Variants in NCKAP5 observed in about 807,000 individuals in gnomAD.
NCKAP5 encodes NCK associated protein 5.
In NCKAP5, 92 loss-of-function variants were observed where a neutral mutation model predicts 167.0. The observed-to-expected ratio is 0.55, with a 90% CI of 0.47 to 0.66. The LOEUF is 0.66. Ranked by LOEUF, NCKAP5 falls within the 30% of genes least tolerant of loss-of-function variation. NCKAP5 has a pLI of 0.00. For synonymous variants in NCKAP5, 891 were observed against 877.4 expected, an observed-to-expected ratio of 1.02 and a Z score of -0.27; for missense variants, 2,378 against 2,315.0, an observed-to-expected ratio of 1.03 and a Z score of -0.56.
intron 3 of NCKAP5, among the ~76,000 whole-genome samples, chr2:133,387,873 T>G (rs1355674300): frequency 6.6e-6 from 1 of 152,244 alleles, no homozygotes; most frequent in Non-Finnish European, 1.5e-5. Flanking sequence ...ATAGTTCTTG[T>G]GCCATGGTTT....
At chr2:133,109,415 T>C (rs1046986321) in intron 6 of NCKAP5, among the ~76,000 whole-genome samples, 9 of 152,200 alleles carry the variant, frequency 5.9e-5, no homozygotes, top group African/African-American at 2.2e-4. Flanking sequence ...TAATGCTTTC[T>C]TCAAGAGAGT....
chr2:133,472,493 C>T (rs1278566543), intron 3 of NCKAP5, among the ~76,000 whole-genome samples: 2 of 151,998 alleles, frequency 1.3e-5, no homozygotes. Context: ...CCTTTTTAGG[C>T]TCCCCTCCAC....
chr2:133,633,589 C>T, the NCKAP5 span, among the ~76,000 whole-genome samples: 110 of 152,280 alleles, frequency 7.2e-4, no homozygotes, highest in Non-Finnish European at 1.2e-3. Flanking sequence ...TGAAGGTAGC[C>T]TTCATGAAGC....
chr2:132,695,307 C>T lies in NCKAP5; in HGVS notation c.5714-22002G>A, dbSNP rs940611739. Among the ~76,000 whole-genome samples the T allele has an allele frequency of 3.3e-5, 5 of 151,858 alleles. No individual in the cohort carries two copies. The South Asian group carries it at 6.3e-4, about 19-fold the overall frequency. ...GGAAAAAAAAAGTCTGTTATTTTCT[C>T]GGTAAAGAGTAAAAATCTTCAGAAT... On this transcript the variant is annotated intron_variant, in intron 19 of 19. Coordinates refer to ENST00000409261, the MANE Select transcript of NCKAP5 (RefSeq NM_207363.3).
chr2:132,766,463 C>A (rs532973119), intron 16 of NCKAP5, among the ~76,000 whole-genome samples: 212 of 152,184 alleles, frequency 1.4e-3, no homozygotes, highest in Middle Eastern at 3.4e-3. Context: ...ACAGTTTCTT[C>A]TAGTCCCATC....
At chr2:133,672,484 A>G in the NCKAP5 span, among the ~76,000 whole-genome samples, 1 of 152,256 alleles carries the variant, frequency 6.6e-6, no homozygotes, top group Non-Finnish European at 1.5e-5. Context: ...TAAAGAAACT[A>G]TCAGTGCATA....
At chr2:132,868,832 C>A in intron 10 of NCKAP5, 104 bp downstream of exon 10, 3 of 724,900 alleles carry the variant, frequency 4.1e-6, no homozygotes, top group Non-Finnish European at 6.4e-6. Flanking sequence ...TGAATAAATA[C>A]AGAAGTATTG....
intron 5 of NCKAP5, among the ~76,000 whole-genome samples, chr2:133,173,021 A>T (rs1262700373): frequency 6.6e-6 from 1 of 151,998 alleles, no homozygotes; most frequent in Non-Finnish European, 1.5e-5. Context: ...TGCTGGAAGC[A>T]ATGCACTGTG....
At chr2:133,164,589 G>A (rs1198711492) in intron 5 of NCKAP5, among the ~76,000 whole-genome samples, 1 of 152,162 alleles carries the variant, frequency 6.6e-6, no homozygotes, top group Admixed American at 6.5e-5. Flanking sequence ...ATTGTTTGAT[G>A]AGAACCTGCT....
At chr2:132,735,454 G>A (rs995583528) in intron 16 of NCKAP5, among the ~76,000 whole-genome samples, 44 of 152,126 alleles carry the variant, frequency 2.9e-4, no homozygotes, top group African/African-American at 1.0e-3. Flanking sequence ...CTTCCATCAT[G>A]ATTGGAAGCT....
chr2:133,263,862 T>A (rs1202596579), intron 4 of NCKAP5, among the ~76,000 whole-genome samples: 1 of 152,182 alleles, frequency 6.6e-6, no homozygotes, highest in Non-Finnish European at 1.5e-5. Context: ...GTACAGAAAA[T>A]TGCTTCATTT....
At chr2:133,355,990 T>C (rs1381004116) in intron 3 of NCKAP5, among the ~76,000 whole-genome samples, 1 of 152,022 alleles carries the variant, frequency 6.6e-6, no homozygotes, top group Non-Finnish European at 1.5e-5. Flanking sequence ...TGCAGCGGCG[T>C]GATCATGTCT....
At chr2:133,265,737 C>T (rs1431908161) in intron 4 of NCKAP5, among the ~76,000 whole-genome samples, 1 of 152,098 alleles carries the variant, frequency 6.6e-6, no homozygotes, top group Non-Finnish European at 1.5e-5. Flanking sequence ...GGGATCGTGG[C>T]ATTAGGTGGG....
chr2:133,394,815 T>G (rs1687636782), intron 3 of NCKAP5, among the ~76,000 whole-genome samples: 1 of 152,232 alleles, frequency 6.6e-6, no homozygotes, highest in Admixed American at 6.5e-5. Context: ...TTAAAGACAG[T>G]TGCAGGAAGA....
At chr2:133,502,981 T>A (rs947881680) in intron 3 of NCKAP5, among the ~76,000 whole-genome samples, 1 of 152,150 alleles carries the variant, frequency 6.6e-6, no homozygotes, top group Non-Finnish European at 1.5e-5. Flanking sequence ...CTAGGTCACA[T>A]CCAGTTGGGT....
the NCKAP5 span, among the ~76,000 whole-genome samples, chr2:133,643,015 T>TC: frequency 1.3e-5 from 2 of 152,168 alleles, no homozygotes; most frequent in South Asian, 2.1e-4. Flanking sequence ...TTTTTTTTTT[T>TC]CTTTATGGAA....
At chr2:133,067,687 T>C (rs2080245257) in intron 6 of NCKAP5, among the ~76,000 whole-genome samples, 1 of 152,172 alleles carries the variant, frequency 6.6e-6, no homozygotes, top group African/African-American at 2.4e-5. Context: ...CATAGCATGA[T>C]CAGGGTTAGG....
chr2:133,179,967 A>T (rs1446243570), intron 5 of NCKAP5, among the ~76,000 whole-genome samples: 1 of 152,198 alleles, frequency 6.6e-6, no homozygotes, highest in Non-Finnish European at 1.5e-5. Flanking sequence ...GACAAAATAC[A>T]TACAGATTTA....
intron 4 of NCKAP5, among the ~76,000 whole-genome samples, chr2:133,224,179 T>C (rs1346933738): frequency 6.6e-6 from 1 of 152,196 alleles, no homozygotes; most frequent in Non-Finnish European, 1.5e-5. Flanking sequence ...CATTCGTTCA[T>C]TTATCCATCC....
Sources: allele counts gnomAD v4.1 joint callset (sites outside exome capture counted in the v4.1 genomes callset), GRCh38; gene constraint gnomAD v4.1.1; transcripts MANE v1.5; gene names NCBI Gene and HGNC (gene_info 2026-07-23, HGNC 2026-07-21).